GPT2: variants seen among roughly 807,000 people sequenced by gnomAD.
GPT2 encodes alanine aminotransferase 2.
Under a neutral mutation model 56.9 loss-of-function variants are expected in GPT2, and 30 were observed. The ratio of observed to expected loss-of-function variants is 0.53; its 90% CI spans 0.39 to 0.72. The LOEUF (loss-of-function observed/expected upper bound fraction) is 0.72, where lower values mean the gene tolerates loss of function less well. Among genes scored for constraint, GPT2 ranks in the 30% least tolerant of loss-of-function variants. The probability of loss-of-function intolerance (pLI) is 0.00; values close to 1 mark genes in which losing one functional copy is unlikely to be tolerated. For missense variants in GPT2, 542 were observed against 703.4 expected, an observed-to-expected ratio of 0.77 and a Z score of 2.60; for synonymous variants, 271 against 283.1, an observed-to-expected ratio of 0.96 and a Z score of 0.43.
intron 5 of GPT2, 122 bp from the exon 6 acceptor site, chr16:46,909,562 T>A (rs984400288): frequency 1.8e-6 from 2 of 1,110,178 alleles, no homozygotes; most frequent in Non-Finnish European, 2.6e-6. Context: ...AAACTGAGAC[T>A]CGGGGAAGTA....
chr16:46,907,968 G>A lies in GPT2; in HGVS notation c.576+993G>A, dbSNP rs117529208. Among the ~76,000 whole-genome samples, 1,201 of 151,618 alleles carry A rather than the reference G, an allele frequency of 7.9e-3. 20 individuals are homozygous for A. In the East Asian group the frequency reaches 0.1, roughly 13 times the overall value. The stretch of plus-strand genomic sequence containing the variant: ...TGGGCTTGGGGGACTGGTGGAGCCT[G>A]CAGTCCTGGGCTTGGGGGACTGGTA... On this transcript the variant is annotated intron_variant, in intron 5 of 11. Transcript: ENST00000340124.
At chr16:46,908,410 A>G (rs1387780157) in intron 5 of GPT2, among the ~76,000 whole-genome samples, 2 of 152,004 alleles carry the variant, frequency 1.3e-5, no homozygotes, top group Non-Finnish European at 2.9e-5. Flanking sequence ...TTGCCTGCCT[A>G]TCCCTTTCTG....
intron 2 of GPT2, among the ~76,000 whole-genome samples, chr16:46,894,060 C>T (rs1459047534): frequency 2.6e-5 from 4 of 152,214 alleles, no homozygotes; most frequent in Non-Finnish European, 5.9e-5. Flanking sequence ...GGGCTGGTTT[C>T]TTCACCCATT....
At chr16:46,884,650 G>C (rs1960444872) in intron 1 of GPT2, 44 bp from the exon 2 acceptor site, 13 of 1,350,958 alleles carry the variant, frequency 9.6e-6, no homozygotes, top group Non-Finnish European at 1.2e-5. Context: ...CTGCACGCCT[G>C]GGCAGTGCGC....
intron 5 of GPT2, among the ~76,000 whole-genome samples, chr16:46,907,954 G>T (rs1460898298): frequency 1.3e-5 from 2 of 151,864 alleles, no homozygotes; most frequent in African/African-American, 4.8e-5. Flanking sequence ...GGGCTTGGGG[G>T]ACTGGTGGAG....
intron 1 of GPT2, 38 bp from the exon 2 acceptor site, chr16:46,884,656 T>C: frequency 3.0e-6 from 4 of 1,355,602 alleles, no homozygotes; most frequent in Non-Finnish European, 3.8e-6. Context: ...GCCTGGGCAG[T>C]GCGCGACGTG....
chr16:46,896,041 C>A (rs1960680130), intron 2 of GPT2, among the ~76,000 whole-genome samples: 1 of 152,218 alleles, frequency 6.6e-6, no homozygotes, highest in Admixed American at 6.5e-5. Context: ...GCTGTGGCCA[C>A]CACCTTGCTG....
At chr16:46,924,267 T>C in intron 9 of GPT2, 122 bp from the exon 10 acceptor site, 1 of 1,053,646 alleles carries the variant, frequency 9.5e-7, no homozygotes, top group South Asian at 1.3e-5. Context: ...AGGGGACATG[T>C]GTTCAAAGCT....
intron 7 of GPT2, among the ~76,000 whole-genome samples, chr16:46,917,429 A>T (rs992436531): frequency 1.3e-5 from 2 of 152,106 alleles, no homozygotes; most frequent in African/African-American, 4.8e-5. Flanking sequence ...TTCTGTATCT[A>T]CTGTCTCATT....
In GPT2 at chr16:46,885,261, C is replaced by T. The variant is rs185099155; in HGVS notation, c.243+303C>T. On this transcript the variant is annotated intron_variant, in intron 2 of 11. Transcript: ENST00000340124. Reference sequence around the variant, plus strand: ...GCCCTACTCTCGTGGAACCAAGGTCCAGTGGAGAGAGGAACATAAGCGAAT... The same window carrying T: ...GCCCTACTCTCGTGGAACCAAGGTCTAGTGGAGAGAGGAACATAAGCGAAT... 2.5e-5 allele frequency: 29 copies of T among 1,152,270 alleles called. No individual in the cohort carries two copies. The East Asian group carries it at 1.1e-3, about 43-fold the overall frequency. 71.4% of individuals were successfully genotyped at this position (1,152,270 alleles called of 1,614,324 possible).
Position 46,926,977 on chromosome 16 carries a change from CTG to C in GPT2, c.1422_1423del (p.Gly475HisfsTer76). 6.2e-7 allele frequency: 1 copy of C among 1,609,854 alleles called. No individual in the cohort carries two copies. Among genetic ancestry groups the C allele is most frequent in the Non-Finnish European group, 8.5e-7 (1 of 1,178,172 alleles). On this transcript the variant is annotated frameshift_variant, in exon 11 of 12. Coordinates refer to ENST00000340124, the MANE Select transcript of GPT2 (RefSeq NM_133443.4). LOFTEE classifies it high-confidence loss of function. Reference sequence around the variant, plus strand: ...TACTGCATGAAGCTCCTGGAGGAGACTGGCATCTGTGTCGTGCCCGGCAGTGG... The same window carrying C: ...TACTGCATGAAGCTCCTGGAGGAGACGCATCTGTGTCGTGCCCGGCAGTGG...
Position 46,922,425 on chromosome 16 carries a change from A to C in GPT2, c.1212+9A>C, listed in dbSNP as rs772577662. The C allele has an allele frequency of 1.1e-5, 17 of 1,601,600 alleles. No homozygotes were observed. The African/African-American group carries it at 2.0e-4, about 19-fold the overall frequency. ...TTGAGCAATTCAGCCGAGTGAGTCC[A>C]CTGTGATGCGTCTGCACCCCTGTGG... On this transcript the variant is annotated intron_variant, in intron 9 of 11. Coordinates refer to ENST00000340124, the MANE Select transcript of GPT2 (RefSeq NM_133443.4).
intron 7 of GPT2, among the ~76,000 whole-genome samples, chr16:46,917,129 G>A (rs566825742): frequency 1.0e-3 from 154 of 152,242 alleles, no homozygotes; most frequent in South Asian, 4.1e-3. Context: ...TTGCCCTGGT[G>A]GTTGCAGCAA....
chr16:46,893,687 G>A (rs1960628763), intron 2 of GPT2, among the ~76,000 whole-genome samples: 1 of 152,198 alleles, frequency 6.6e-6, no homozygotes, highest in South Asian at 2.1e-4. Flanking sequence ...GCCCTCCCCT[G>A]ATCCCTGCTT....
chr16:46,908,357 T>G (rs1960979131), intron 5 of GPT2, among the ~76,000 whole-genome samples: 1 of 150,836 alleles, frequency 6.6e-6, no homozygotes, highest in Non-Finnish European at 1.5e-5. Context: ...GTCCTGGGCT[T>G]GGGGGACTGG....
intron 2 of GPT2, chr16:46,885,277 A>G: frequency 9.2e-7 from 1 of 1,092,756 alleles, no homozygotes. Flanking sequence ...AGAGAGGAAC[A>G]TAAGCGAATG....
At position 46,922,245 on chromosome 16, in the gene GPT2, T is replaced by C; in HGVS notation, c.1041T>C (p.Cys347=). ...CTCCCTCTCTTTGGCCCTCCAGGTG[T>C]GGTTACAGAGGAGGCTACATGGAGG... ...HSTSKGYMGE[C]GYRGGYMEVI... is the part of the protein sequence containing the mutation. The change falls in exon 9 of 12, where the codon TGT becomes TGC. Residue 347 remains cysteine, a synonymous_variant. Transcript: ENST00000340124. 6.2e-7 allele frequency: 1 copy of C among 1,613,410 alleles called. No individual in the cohort carries two copies. The highest frequency in any genetic ancestry group is 8.5e-7 in the Non-Finnish European group (1 of 1,179,788).
intron 2 of GPT2, among the ~76,000 whole-genome samples, chr16:46,895,203 C>G (rs1960663768): frequency 6.6e-6 from 1 of 152,056 alleles, no homozygotes; most frequent in South Asian, 2.1e-4. Context: ...GTCTCTCAAG[C>G]CTGCTGGTTT....
chr16:46,900,122 C>T (rs1960787681), intron 3 of GPT2, among the ~76,000 whole-genome samples: 1 of 152,158 alleles, frequency 6.6e-6, no homozygotes, highest in African/African-American at 2.4e-5. Flanking sequence ...CTGGGGTTAC[C>T]AGCACTTTTG....
Sources: allele counts gnomAD v4.1 joint callset (sites outside exome capture counted in the v4.1 genomes callset), GRCh38; gene constraint gnomAD v4.1.1; transcripts MANE v1.5; gene names NCBI Gene and HGNC (gene_info 2026-07-23, HGNC 2026-07-21).